Variants in MACROD2 observed in about 807,000 individuals in gnomAD.
The protein encoded by MACROD2 is mono-ADP ribosylhydrolase 2.
MACROD2 carries 36 observed loss-of-function variants against 70.4 expected under a neutral mutation model. The ratio of observed to expected loss-of-function variants is 0.51; its 90% confidence interval spans 0.39 to 0.68. The LOEUF is 0.68. Among genes scored for constraint, MACROD2 ranks in the 30% least tolerant of loss-of-function variants. The pLI is 0.00. For synonymous variants in MACROD2, 172 were observed against 178.8 expected, an observed-to-expected ratio of 0.96 and a Z score of 0.30; for missense variants, 496 against 538.4, an observed-to-expected ratio of 0.92 and a Z score of 0.78.
intron 5 of MACROD2, among the ~76,000 whole-genome samples, chr20:14,801,424 A>T (rs887279353): frequency 2.0e-5 from 3 of 152,134 alleles, no homozygotes; most frequent in African/African-American, 7.2e-5. Flanking sequence ...GACTTTGTAT[A>T]TTCATACACC....
At chr20:15,492,868 C>T (rs1228641658) in intron 7 of MACROD2, among the ~76,000 whole-genome samples, 3 of 152,038 alleles carry the variant, frequency 2.0e-5, no homozygotes, top group Non-Finnish European at 2.9e-5. Context: ...AACTGCTGCT[C>T]CTAACTTCTG....
At chr20:14,693,310 A>G (rs1330937228) in intron 5 of MACROD2, among the ~76,000 whole-genome samples, 1 of 152,206 alleles carries the variant, frequency 6.6e-6, no homozygotes, top group Non-Finnish European at 1.5e-5. Context: ...AGGTGTTCTC[A>G]TAAATTAAAG....
At chr20:15,795,990 C>G (rs2063669881) in intron 8 of MACROD2, among the ~76,000 whole-genome samples, 1 of 152,112 alleles carries the variant, frequency 6.6e-6, no homozygotes, top group Admixed American at 6.5e-5. Context: ...CATTTCTCAA[C>G]CTGTAGACAC....
chr20:15,747,382 C>T (rs900011442), intron 8 of MACROD2, among the ~76,000 whole-genome samples: 7 of 152,096 alleles, frequency 4.6e-5, no homozygotes, highest in East Asian at 3.9e-4. Context: ...CTCAGGTAAA[C>T]GTTTGGTAAT....
At chr20:15,113,965 A>G (rs976282105) in intron 5 of MACROD2, among the ~76,000 whole-genome samples, 3 of 152,182 alleles carry the variant, frequency 2.0e-5, no homozygotes, top group African/African-American at 7.2e-5. Context: ...GAGAAGCATA[A>G]GAAGGCCACA....
chr20:14,306,714 G>A (rs2082523810), intron 3 of MACROD2, among the ~76,000 whole-genome samples: 2 of 151,930 alleles, frequency 1.3e-5, no homozygotes, highest in African/African-American at 2.4e-5. Flanking sequence ...AGACAGCTAG[G>A]ATCTTAAAAA....
intron 5 of MACROD2, among the ~76,000 whole-genome samples, chr20:14,963,054 G>C (rs1044116057): frequency 6.6e-6 from 1 of 152,132 alleles, no homozygotes; most frequent in Non-Finnish European, 1.5e-5. Context: ...TTATGTCTTA[G>C]CTAGTGGTTA....
At chr20:15,906,479 A>G (rs1364829173) in intron 10 of MACROD2, among the ~76,000 whole-genome samples, 1 of 152,218 alleles carries the variant, frequency 6.6e-6, no homozygotes, top group Non-Finnish European at 1.5e-5. Context: ...TTGGGCATTC[A>G]TCCTGCATGA....
rs573833413 is a variant in MACROD2, at chr20:14,693,210, T to A, written c.418+8251T>A. On this transcript the variant is annotated intron_variant, in intron 5 of 17. Transcript: ENST00000684519. ...AGTGGGGGTAATCAGCCTTTGGATG[T>A]GTTTAATCAGAGTTATCAGCTAAGA... Among the ~76,000 whole-genome samples, 60 of 152,332 alleles carry A rather than the reference T, an allele frequency of 3.9e-4. No homozygotes were observed. The Middle Eastern group carries it at 0.01, about 26-fold the overall frequency.
chr20:15,344,916 G>A (rs1389938660), intron 6 of MACROD2, among the ~76,000 whole-genome samples: 1 of 152,146 alleles, frequency 6.6e-6, no homozygotes, highest in African/African-American at 2.4e-5. Context: ...ACCATGAACT[G>A]AGTGGCTTAT....
At chr20:16,029,362 C>G (rs113806101) in intron 15 of MACROD2, among the ~76,000 whole-genome samples, 14 of 152,164 alleles carry the variant, frequency 9.2e-5, no homozygotes, top group Non-Finnish European at 1.6e-4. Flanking sequence ...GCATGTGACA[C>G]CCACAACGAA....
intron 8 of MACROD2, among the ~76,000 whole-genome samples, chr20:15,559,910 G>A (rs956874390): frequency 6.6e-6 from 1 of 152,188 alleles, no homozygotes; most frequent in South Asian, 2.1e-4. Context: ...TTAGAAGGCT[G>A]ATGTTTTCAT....
At position 16,049,969 on chromosome 20, in the gene MACROD2, G is replaced by A; in HGVS notation, c.*93G>A. The A allele has an allele frequency of 3.1e-6, 1 of 321,802 alleles. No individual in the cohort carries two copies. Among genetic ancestry groups the A allele is most frequent in the South Asian group, 2.5e-5 (1 of 39,808 alleles). 19.9% of individuals were successfully genotyped at this position (321,802 alleles called of 1,614,324 possible). On this transcript the variant is annotated 3_prime_UTR_variant, in exon 18 of 18. Transcript: ENST00000684519. Reference sequence around the variant, plus strand: ...GGAGGAGGGTGGGGGTGGGGGGAAGGCAAGTCCCATGGAAGGACGGGGAAT... The same window carrying A: ...GGAGGAGGGTGGGGGTGGGGGGAAGACAAGTCCCATGGAAGGACGGGGAAT...
rs535458399 is a variant in MACROD2 at position 15,714,690 on chromosome 20, T to C, written c.646-148055T>C. Reference sequence around the variant, plus strand: ...ACAGGAGAAGCATCTTTGTACAAACTTGTGCCATATACTTTTTAAAAATTT... The same window carrying C: ...ACAGGAGAAGCATCTTTGTACAAACCTGTGCCATATACTTTTTAAAAATTT... On this transcript the variant is annotated intron_variant, in intron 8 of 17. Coordinates refer to ENST00000684519, the MANE Select transcript of MACROD2 (RefSeq NM_001351661.2). 3.3e-5 allele frequency among the ~76,000 whole-genome samples: 5 copies of C among 152,314 alleles called. No homozygotes were observed. The South Asian group carries it at 8.3e-4, about 25-fold the overall frequency.
At chr20:15,750,967 G>A (rs1213154355) in intron 8 of MACROD2, among the ~76,000 whole-genome samples, 1 of 152,014 alleles carries the variant, frequency 6.6e-6, no homozygotes, top group East Asian at 1.9e-4. Flanking sequence ...GAAGCAGAGA[G>A]TAGAACAGTG....
At chr20:14,639,618 A>G (rs1984982232) in intron 4 of MACROD2, among the ~76,000 whole-genome samples, 1 of 152,170 alleles carries the variant, frequency 6.6e-6, no homozygotes, top group Admixed American at 6.5e-5. Flanking sequence ...CCTCTTTCAG[A>G]AGTTGATTAC....
intron 5 of MACROD2, among the ~76,000 whole-genome samples, chr20:15,199,678 A>G (rs373689045): frequency 6.6e-6 from 1 of 151,638 alleles, no homozygotes; most frequent in African/African-American, 2.4e-5. Context: ...GATTAAATAC[A>G]TTATTCATTT....
rs149861400 is a variant in MACROD2 at position 15,280,397 on chromosome 20, A to T, written c.540+50336A>T. Among the ~76,000 whole-genome samples the T allele has an allele frequency of 4.4e-3, 663 of 152,316 alleles. 7 individuals are homozygous for T. The highest frequency in any genetic ancestry group is 0.015 in the African/African-American group (640 of 41,566). ...AATATCTTATATTCATTCTGCAGAC[A>T]TCTCAGTTAAGCATTTGGAATTATG... is the stretch of plus-strand genomic sequence containing the variant. On this transcript the variant is annotated intron_variant, in intron 6 of 17. Transcript: ENST00000684519.
intron 8 of MACROD2, among the ~76,000 whole-genome samples, chr20:15,779,686 G>A (rs938443288): frequency 1.3e-5 from 2 of 152,058 alleles, no homozygotes; most frequent in African/African-American, 4.8e-5. Context: ...GATTCAGAAA[G>A]GTCAGAAAAA....
Sources: gnomAD v4.1 joint callset for allele counts (sites outside exome capture counted in the v4.1 genomes callset) on GRCh38, gnomAD v4.1.1 for gene constraint, MANE v1.5 for transcripts, NCBI Gene and HGNC (gene_info 2026-07-23, HGNC 2026-07-21) for gene names.